Variants in MTMR8 observed in about 807,000 individuals in gnomAD.
The protein encoded by MTMR8 is phosphatidylinositol-3,5-bisphosphate 3-phosphatase MTMR8.
In MTMR8, 65 loss-of-function variants were observed where a neutral mutation model predicts 39.3. The observed-to-expected ratio is 1.65, with a 90% CI of 1.35 to 2.03. The LOEUF (loss-of-function observed/expected upper bound fraction) is 2.03, where lower values mean the gene tolerates loss of function less well. Ranked by LOEUF, MTMR8 falls within the 30% of genes most tolerant of loss-of-function variation. MTMR8 has a pLI of 0.00. For synonymous variants in MTMR8, 245 were observed against 185.2 expected (o/e 1.32, Z -2.62); for missense variants, 777 against 538.9 (o/e 1.44, Z -4.37).
intron 12 of MTMR8, among the ~76,000 whole-genome samples, chrX:64,321,027 A>T (rs1922628309): frequency 8.9e-6 from 1 of 112,084 alleles, no homozygotes; most frequent in African/African-American, 3.2e-5. Context: ...CATAATTTAG[A>T]AAAGCTACTA....
chrX:64,341,019 T>C (rs1406129929), intron 8 of MTMR8, among the ~76,000 whole-genome samples: 4 of 112,237 alleles, frequency 3.6e-5, no homozygotes, highest in African/African-American at 6.5e-5. Flanking sequence ...TATAAAGATA[T>C]ATGTTTAAGA....
At chrX:64,286,154 T>G (rs1216215293) in intron 12 of MTMR8, among the ~76,000 whole-genome samples, 1 of 111,643 alleles carries the variant, frequency 9.0e-6, no homozygotes, top group East Asian at 2.8e-4. Context: ...GTCACCACTG[T>G]TCCCACAGAA....
rs1602143605 is a variant in MTMR8 at position 64,353,745 on chromosome X, C to G, written c.468+1032G>C. Among the ~76,000 whole-genome samples the G allele has an allele frequency of 2.7e-5, 3 of 110,345 alleles. No individual in the cohort carries two copies. The South Asian group carries it at 1.2e-3, about 43-fold the overall frequency. On this transcript the variant is annotated intron_variant, in intron 4 of 13. Transcript: ENST00000374852. ...GGAGGATCGCTTGAGCCCAGGAGTTCAAGAATCCCATCTCTACAAAAAATG... is the reference window on the plus strand; with the variant it reads ...GGAGGATCGCTTGAGCCCAGGAGTTGAAGAATCCCATCTCTACAAAAAATG...
intron 12 of MTMR8, among the ~76,000 whole-genome samples, chrX:64,286,234 G>C (rs761473565): frequency 8.9e-6 from 1 of 112,022 alleles, no homozygotes; most frequent in African/African-American, 3.2e-5. Flanking sequence ...AGAAGAAATG[G>C]ATAAATTCCT....
At chrX:64,384,994 C>T (rs1924521444) in intron 1 of MTMR8, among the ~76,000 whole-genome samples, 2 of 112,421 alleles carry the variant, frequency 1.8e-5, no homozygotes, top group African/African-American at 6.5e-5. Flanking sequence ...TTTTTATACC[C>T]TGAAATATAA....
At chrX:64,359,968 G>C (rs1197375008) in intron 1 of MTMR8, among the ~76,000 whole-genome samples, 1 of 103,675 alleles carries the variant, frequency 9.6e-6, no homozygotes, top group African/African-American at 3.5e-5. Flanking sequence ...CAAAAAAAAG[G>C]AGTACCATAA....
At position 64,335,347 on chromosome X, in the gene MTMR8, G is replaced by C. The variant is rs895930812; in HGVS notation, c.1151+732C>G. ...GGGTTTCACCATATTGGCCAGGCTG[G>C]TCTCGAACTCCTGACCTCAGGCGAT... is the stretch of plus-strand genomic sequence containing the variant. On this transcript the variant is annotated intron_variant, in intron 10 of 13. Coordinates refer to ENST00000374852, the MANE Select transcript of MTMR8 (RefSeq NM_017677.4). Among the ~76,000 whole-genome samples the C allele has an allele frequency of 7.2e-5, 8 of 111,430 alleles. No homozygotes were observed. The East Asian group carries it at 8.5e-4, about 12-fold the overall frequency.
chrX:64,341,121 G>A (rs942377220), intron 8 of MTMR8, among the ~76,000 whole-genome samples: 1 of 112,190 alleles, frequency 8.9e-6, no homozygotes, highest in Non-Finnish European at 1.9e-5. Flanking sequence ...AAAGAATGAC[G>A]TAGTACTGAC....
At chrX:64,323,681 A>G (rs754008664) in intron 12 of MTMR8, among the ~76,000 whole-genome samples, 1 of 111,367 alleles carries the variant, frequency 9.0e-6, no homozygotes, top group African/African-American at 3.4e-5. Context: ...GCCTTAACAA[A>G]TTTAAGAAAA....
At chrX:64,335,768 C>A (rs953621206) in intron 10 of MTMR8, among the ~76,000 whole-genome samples, 1 of 112,066 alleles carries the variant, frequency 8.9e-6, no homozygotes, top group Admixed American at 9.4e-5. Flanking sequence ...CTCCTGGAAG[C>A]CTACCCTGAC....
At chrX:64,325,839 A>T (rs1398317832) in intron 12 of MTMR8, among the ~76,000 whole-genome samples, 1 of 111,814 alleles carries the variant, frequency 8.9e-6, no homozygotes, top group East Asian at 2.8e-4. Flanking sequence ...GAAAGGAGGA[A>T]GTTAAACTAT....
chrX:64,277,250 G>A (rs1459414675), intron 12 of MTMR8, among the ~76,000 whole-genome samples: 1 of 111,769 alleles, frequency 8.9e-6, no homozygotes. Context: ...TTACATTTAA[G>A]GTTAATATTG....
intron 8 of MTMR8, among the ~76,000 whole-genome samples, chrX:64,340,511 G>A (rs1923187143): frequency 9.0e-6 from 1 of 111,456 alleles, no homozygotes; most frequent in Non-Finnish European, 1.9e-5. Flanking sequence ...AAGGAGAATA[G>A]TGAAACTGCC....
At position 64,380,413 on chromosome X, in the gene MTMR8, C is replaced by T. The variant is rs181140520; in HGVS notation, c.24+14927G>A. On this transcript the variant is annotated intron_variant, in intron 1 of 13. Transcript: ENST00000374852. The stretch of plus-strand genomic sequence containing the variant: ...CAGGGGAGATTTAACAAAACATATT[C>T]GGGCTCCACCCTCAAAGGTTAACTT... Among the ~76,000 whole-genome samples, 243 of 112,542 alleles carry T rather than the reference C, an allele frequency of 2.2e-3. 1 individual carries two copies. The highest frequency in any genetic ancestry group is 7.2e-3 in the African/African-American group (224 of 31,051).
At chrX:64,281,400 A>G (rs572886476) in intron 12 of MTMR8, among the ~76,000 whole-genome samples, 1 of 111,630 alleles carries the variant, frequency 9.0e-6, no homozygotes, top group African/African-American at 3.3e-5. Flanking sequence ...AACACCACAC[A>G]TCTACTACCA....
intron 4 of MTMR8, among the ~76,000 whole-genome samples, chrX:64,353,070 T>C (rs1923526484): frequency 8.9e-6 from 1 of 111,845 alleles, no homozygotes; most frequent in African/African-American, 3.3e-5. Context: ...TTCAGTCATT[T>C]TCAACAAAGG....
intron 12 of MTMR8, among the ~76,000 whole-genome samples, chrX:64,297,266 TG>T (rs1716037142): frequency 9.4e-6 from 1 of 106,699 alleles, no homozygotes; most frequent in Non-Finnish European, 1.9e-5. Flanking sequence ...TTTTAATGAT[TG>T]CCATTCTAAC....
Position 64,395,382 on chromosome X carries a change from C to A in MTMR8, c.-19G>T, listed in dbSNP as rs900898171. On this transcript the variant is annotated 5_prime_UTR_variant, in exon 1 of 14. Coordinates refer to ENST00000374852, the MANE Select transcript of MTMR8 (RefSeq NM_017677.4). ...GATCCATGACTGCAGTTCCCGCCAC[C>A]GGAAGATCTCAGTGCTACTCCAGAT... The A allele has an allele frequency of 3.3e-6, 4 of 1,208,218 alleles. No individual in the cohort carries two copies. Among genetic ancestry groups the A allele is most frequent in the Non-Finnish European group, 4.5e-6 (4 of 893,729 alleles).
Position 64,268,648 on chromosome X carries a change from T to G in MTMR8, c.2004A>C (p.Gly668=). The G allele has an allele frequency of 8.3e-7, 1 of 1,211,541 alleles. No individual in the cohort carries two copies. Among genetic ancestry groups the G allele is most frequent in the African/African-American group, 1.7e-5 (1 of 57,679 alleles). Residue 668 remains glycine (G), a synonymous_variant, in exon 14 of 14, where the codon GGA becomes GGC. Transcript: ENST00000374852. ...CCCTGGCCTCAGAAATACCCAAGTT[T>G]CCAGAGATGCCAGTGGCCTCAGAGA... is the stretch of plus-strand genomic sequence containing the variant. The part of the protein sequence containing the change: ...MDISEATGIS[G]NLGISEARGF...
Sources: allele counts gnomAD v4.1 joint callset (sites outside exome capture counted in the v4.1 genomes callset), GRCh38; gene constraint gnomAD v4.1.1; transcripts MANE v1.5; gene names NCBI Gene and HGNC (gene_info 2026-07-23, HGNC 2026-07-21).